The following ANXA6 variants were observed in gnomAD, a reference collection of about 807,000 sequenced individuals.
The protein encoded by ANXA6 is annexin A6.
A neutral mutation model predicts 95.4 loss-of-function variants in ANXA6; 71 were observed. The observed-to-expected ratio is 0.74, with a 90% CI of 0.61 to 0.91. The LOEUF is 0.91. Among genes scored for constraint, ANXA6 ranks in the 40% least tolerant of loss-of-function variants. ANXA6 has a pLI of 0.00. For synonymous variants in ANXA6, 289 were observed against 315.9 expected, an observed-to-expected ratio of 0.91 and a Z score of 0.90; for missense variants, 830 against 876.4, an observed-to-expected ratio of 0.95 and a Z score of 0.67.
intron 1 of ANXA6, among the ~76,000 whole-genome samples, chr5:151,150,216 T>C (rs1766075016): frequency 6.6e-6 from 1 of 152,186 alleles, no homozygotes; most frequent in South Asian, 2.1e-4. Context: ...TGGAGACATT[T>C]CAGCTCAATG....
At chr5:151,147,837 G>C in intron 2 of ANXA6, 47 bp downstream of exon 2, 1 of 1,575,740 alleles carries the variant, frequency 6.3e-7, no homozygotes, top group Non-Finnish European at 8.6e-7. Context: ...AGGATCCCAG[G>C]CCCAGAGAAG....
chr5:151,109,938 G>C, intron 21 of ANXA6, 92 bp from the exon 22 acceptor site: 1 of 1,003,400 alleles, frequency 1.0e-6, no homozygotes, highest in Non-Finnish European at 1.5e-6. Flanking sequence ...CTGGGCTGAG[G>C]GCAGTCAGAA....
chr5:151,116,035 G>T (rs549751582), intron 20 of ANXA6, among the ~76,000 whole-genome samples: 3 of 152,180 alleles, frequency 2.0e-5, no homozygotes, highest in Non-Finnish European at 4.4e-5. Context: ...ACATAAAAAC[G>T]TATAGAATAA....
intron 13 of ANXA6, 56 bp downstream of exon 13, chr5:151,128,125 C>T: frequency 2.7e-6 from 4 of 1,469,792 alleles, no homozygotes; most frequent in Non-Finnish European, 3.8e-6. Flanking sequence ...CCAGGAGAGT[C>T]CCCGCCTGGC....
In ANXA6 at chr5:151,136,270, C is replaced by T. The variant is rs769871593; in HGVS notation, c.475G>A (p.Val159Met). 3.1e-6 allele frequency: 5 copies of T among 1,613,988 alleles called. No individual in the cohort carries two copies. Among genetic ancestry groups the T allele is most frequent in the Non-Finnish European group, 4.2e-6 (5 of 1,179,876 alleles). The stretch of plus-strand genomic sequence containing the variant: ...TGTGAACCAACCTGGAGCAGGACCA[C>T]AAGCATCTTCTGGAAGTGGCCAGAG... ...DTSGHFQKML[V>M]VLLQGTREED... Residue 159 changes from valine (V) to methionine (M), a missense_variant, in exon 7 of 26, where the codon GTG becomes ATG. Coordinates refer to ENST00000354546, the MANE Select transcript of ANXA6 (RefSeq NM_001155.5).
At chr5:151,134,932 C>A (rs568259552) in intron 7 of ANXA6, among the ~76,000 whole-genome samples, 9 of 152,334 alleles carry the variant, frequency 5.9e-5, no homozygotes, top group Non-Finnish European at 1.2e-4. Flanking sequence ...TTAAAGAATT[C>A]ACCAATAAGG....
At position 151,147,913 on chromosome 5, in the gene ANXA6, C is replaced by T. The variant is rs755916176; in HGVS notation, c.-12G>A. The T allele has an allele frequency of 8.7e-6, 14 of 1,602,760 alleles. No individual in the cohort carries two copies. Among genetic ancestry groups the T allele is most frequent in the East Asian group, 2.2e-5 (1 of 44,464 alleles). On this transcript the variant is annotated 5_prime_UTR_variant, in exon 2 of 26. Coordinates refer to ENST00000354546, the MANE Select transcript of ANXA6 (RefSeq NM_001155.5). ...GCTGGTTTGGCCATGGTCTCCGGTT[C>T]GCAGCAGAATCCACTGTAGAGAAGA...
chr5:151,124,211 C>A (rs558893015), intron 15 of ANXA6, 75 bp downstream of exon 15: 2 of 1,311,420 alleles, frequency 1.5e-6, no homozygotes, highest in South Asian at 1.2e-5. Context: ...CACTCCATCC[C>A]CTGCCAGCCC....
chr5:151,153,753 A>C (rs889132788), intron 1 of ANXA6, among the ~76,000 whole-genome samples: 1 of 152,190 alleles, frequency 6.6e-6, no homozygotes, highest in African/African-American at 2.4e-5. Context: ...CCACCCCCTC[A>C]GGTAAAAAAA....
chr5:151,120,284 G>A (rs75820175), intron 17 of ANXA6, among the ~76,000 whole-genome samples: 1 of 152,234 alleles, frequency 6.6e-6, no homozygotes, highest in African/African-American at 2.4e-5. Flanking sequence ...GAAACTATCA[G>A]GGAGGAGAGG....
At chr5:151,138,552 T>C (rs1326227845) in intron 5 of ANXA6, 126 bp downstream of exon 5, 1 of 661,422 alleles carries the variant, frequency 1.5e-6, no homozygotes, top group Non-Finnish European at 2.7e-6. Flanking sequence ...TAAATTTAGA[T>C]GTGTCTTTGA....
chr5:151,102,817 G>A (rs367932287), intron 25 of ANXA6, among the ~76,000 whole-genome samples: 1 of 152,158 alleles, frequency 6.6e-6, no homozygotes, highest in East Asian at 1.9e-4. Context: ...TAGCTTGGTG[G>A]TTGCCTATGG....
chr5:151,108,412 G>A (rs1460573504), intron 23 of ANXA6, 43 bp downstream of exon 23: 2 of 1,550,682 alleles, frequency 1.3e-6, no homozygotes, highest in Non-Finnish European at 1.8e-6. Flanking sequence ...ATCTGTTCAA[G>A]TTCCCAGTGC....
At chr5:151,141,407 C>T (rs1233045189) in intron 2 of ANXA6, 15 of 653,778 alleles carry the variant, frequency 2.3e-5, no homozygotes, top group Non-Finnish European at 9.5e-6. Flanking sequence ...TACTATAAAG[C>T]TTGTAGTAAA....
intron 9 of ANXA6, 100 bp from the exon 10 acceptor site, chr5:151,132,671 T>C (rs1765550246): frequency 1.0e-6 from 1 of 958,842 alleles, no homozygotes; most frequent in South Asian, 1.5e-5. Context: ...CCAGGACGAC[T>C]GTCCACCATG....
chr5:151,151,677 G>A (rs1044634268), intron 1 of ANXA6, among the ~76,000 whole-genome samples: 2 of 152,140 alleles, frequency 1.3e-5, no homozygotes, highest in Admixed American at 6.5e-5. Context: ...GGCTTTTAGA[G>A]ACTTCAACTC....
In ANXA6 at chr5:151,108,561, G is replaced by A; in HGVS notation, c.1685-11C>T. 2 of 1,613,218 alleles carry A rather than the reference G, an allele frequency of 1.2e-6. No homozygotes were observed. The highest frequency in any genetic ancestry group is 8.5e-7 in the Non-Finnish European group (1 of 1,179,206). ...TGAACTCCTGGAAGACTGGCCACAA[G>A]AGAAGCCCCAGAGGTGGGGGTGAGC... is the stretch of plus-strand genomic sequence containing the variant. On this transcript the variant is annotated splice_polypyrimidine_tract_variant and intron_variant, in intron 22 of 25. Coordinates refer to ENST00000354546, the MANE Select transcript of ANXA6 (RefSeq NM_001155.5).
At chr5:151,110,887 A>C (rs972673519) in intron 20 of ANXA6, among the ~76,000 whole-genome samples, 1 of 152,146 alleles carries the variant, frequency 6.6e-6, no homozygotes, top group African/African-American at 2.4e-5. Flanking sequence ...AATAACTAAA[A>C]ACGTGTTCAC....
At chr5:151,144,121 C>T (rs9324683) in intron 2 of ANXA6, among the ~76,000 whole-genome samples, 22,778 of 152,126 alleles carry the variant, frequency 0.15, 1,884 homozygotes, top group African/African-American at 0.23. Flanking sequence ...GCAGCTCTAG[C>T]CCTGCTGGGC....
Sources: gnomAD v4.1 joint callset for allele counts (sites outside exome capture counted in the v4.1 genomes callset) on GRCh38, gnomAD v4.1.1 for gene constraint, MANE v1.5 for transcripts, NCBI Gene and HGNC (gene_info 2026-07-23, HGNC 2026-07-21) for gene names.